ERC2: variants seen among roughly 807,000 people sequenced by gnomAD.
ERC2 encodes ERC protein 2.
In ERC2, 42 loss-of-function variants were observed where a neutral mutation model predicts 114.8. The ratio of observed to expected loss-of-function variants is 0.37; its 90% CI spans 0.29 to 0.47. The LOEUF (loss-of-function observed/expected upper bound fraction) is 0.47, where lower values mean the gene tolerates loss of function less well. ERC2 is among the 20% of genes least tolerant of loss of function. The pLI, the probability that ERC2 is intolerant of heterozygous loss-of-function variation, is 0.99. For missense variants in ERC2, 939 were observed against 1,150.7 expected, an observed-to-expected ratio of 0.82 and a Z score of 2.66; for synonymous variants, 454 against 425.5, an observed-to-expected ratio of 1.07 and a Z score of -0.82.
intron 4 of ERC2, among the ~76,000 whole-genome samples, chr3:56,161,703 C>A (rs1167377564): frequency 6.6e-6 from 1 of 152,096 alleles, no homozygotes; most frequent in Admixed American, 6.6e-5. Flanking sequence ...TCAGCTTGAA[C>A]ACTATTGGTG....
At chr3:56,249,577 C>T (rs948840273) in intron 3 of ERC2, among the ~76,000 whole-genome samples, 2 of 152,188 alleles carry the variant, frequency 1.3e-5, no homozygotes, top group South Asian at 2.1e-4. Context: ...CTGCCAGCCT[C>T]GGCCTCCCAA....
At chr3:55,811,741 C>G (rs2059727526) in intron 14 of ERC2, among the ~76,000 whole-genome samples, 1 of 152,178 alleles carries the variant, frequency 6.6e-6, no homozygotes, top group South Asian at 2.1e-4. Context: ...TATGCACCCC[C>G]AAGGCCTGTG....
intron 13 of ERC2, among the ~76,000 whole-genome samples, chr3:55,923,831 G>A (rs74986397): frequency 1.1e-3 from 166 of 152,106 alleles, no homozygotes; most frequent in African/African-American, 3.8e-3. Flanking sequence ...ATCACTAATC[G>A]ATTACAGCAC....
At chr3:55,516,125 G>C (rs1316771270) in intron 17 of ERC2, among the ~76,000 whole-genome samples, 1 of 152,064 alleles carries the variant, frequency 6.6e-6, no homozygotes, top group Non-Finnish European at 1.5e-5. Flanking sequence ...GCCCCTGATA[G>C]ACTAATTAAC....
intron 17 of ERC2, among the ~76,000 whole-genome samples, chr3:55,550,841 C>A (rs570356216): frequency 6.6e-6 from 1 of 151,814 alleles, no homozygotes; most frequent in Non-Finnish European, 1.5e-5. Context: ...ACGGTGAAAC[C>A]CCATCTCTAC....
chr3:56,228,239 T>A lies in ERC2; in HGVS notation c.1075-54719A>T, dbSNP rs544851690. On this transcript the variant is annotated intron_variant, in intron 3 of 17. Coordinates refer to ENST00000288221, the MANE Select transcript of ERC2 (RefSeq NM_015576.3). ...ATAATATTTACCATCTCAACCATTT[T>A]TCCCTGTAGATTTCAGTGGAATAAG... Among the ~76,000 whole-genome samples, 55 of 152,350 alleles carry A rather than the reference T, an allele frequency of 3.6e-4. 1 individual carries two copies. The South Asian group carries it at 0.011, about 30-fold the overall frequency.
intron 17 of ERC2, among the ~76,000 whole-genome samples, chr3:55,571,280 A>G (rs1195720626): frequency 6.6e-6 from 1 of 152,100 alleles, no homozygotes; most frequent in Admixed American, 6.5e-5. Flanking sequence ...TGATGCTGTG[A>G]CATCTGGGGC....
intron 14 of ERC2, among the ~76,000 whole-genome samples, chr3:55,836,458 C>A (rs1184937383): frequency 6.6e-6 from 1 of 152,150 alleles, no homozygotes; most frequent in African/African-American, 2.4e-5. Context: ...CGCTTATCTA[C>A]AATTATATGA....
chr3:56,203,247 T>A (rs1231479500), intron 3 of ERC2, among the ~76,000 whole-genome samples: 1 of 152,204 alleles, frequency 6.6e-6, no homozygotes, highest in African/African-American at 2.4e-5. Context: ...AAACTATCAT[T>A]AAGTGCCTGA....
intron 17 of ERC2, among the ~76,000 whole-genome samples, chr3:55,521,125 C>T (rs2052901593): frequency 6.6e-6 from 1 of 152,210 alleles, no homozygotes. Flanking sequence ...AGGTGGAATG[C>T]CATTTACTCT....
At chr3:56,340,542 A>ATGTG (rs10690369) in intron 2 of ERC2, among the ~76,000 whole-genome samples, 24,641 of 141,226 alleles carry the variant, frequency 0.17, 2,193 homozygotes, top group Admixed American at 0.21. Flanking sequence ...GAGAGAGTGA[A>ATGTG]TGTGTGTGTG....
chr3:56,084,878 AAAAAG>A (rs1412053035), intron 6 of ERC2, among the ~76,000 whole-genome samples: 1 of 151,764 alleles, frequency 6.6e-6, no homozygotes. Flanking sequence ...AAAAAAAAAA[AAAAAG>A]AAAAGTTCAG....
At chr3:56,405,456 ACC>A (rs1184924127) in intron 2 of ERC2, among the ~76,000 whole-genome samples, 1 of 152,044 alleles carries the variant, frequency 6.6e-6, no homozygotes, top group East Asian at 1.9e-4. Context: ...GAAGGGATGG[ACC>A]CAGACTGGGC....
At chr3:56,089,466 T>G (rs1052205967) in intron 6 of ERC2, among the ~76,000 whole-genome samples, 3 of 152,152 alleles carry the variant, frequency 2.0e-5, no homozygotes, top group Non-Finnish European at 4.4e-5. Context: ...AAAAGAAACA[T>G]TGAAATTAAT....
intron 14 of ERC2, among the ~76,000 whole-genome samples, chr3:55,772,384 G>A (rs986963218): frequency 3.3e-5 from 5 of 151,492 alleles, no homozygotes; most frequent in Non-Finnish European, 5.9e-5. Context: ...GCGCGATCTC[G>A]GCTCACTGCA....
chr3:55,952,179 ACTCTCTCTCTCTCTCTC>A (rs2067612323), intron 12 of ERC2, among the ~76,000 whole-genome samples: 3 of 62,094 alleles, frequency 4.8e-5, no homozygotes, highest in East Asian at 4.2e-4. Flanking sequence ...ACACACACAC[ACTCTCTCTCTCTCTCTC>A]TCTATATATA....
At chr3:56,217,046 G>A (rs1478533124) in intron 3 of ERC2, among the ~76,000 whole-genome samples, 1 of 152,258 alleles carries the variant, frequency 6.6e-6, no homozygotes, top group Non-Finnish European at 1.5e-5. Context: ...TACTGAAGGG[G>A]CAAAAACTGG....
At chr3:55,539,410 TCTTTC>T (rs373882455) in intron 17 of ERC2, among the ~76,000 whole-genome samples, 4 of 127,866 alleles carry the variant, frequency 3.1e-5, no homozygotes, top group Non-Finnish European at 4.8e-5. Context: ...TCTCTTTTTT[TCTTTC>T]TTTTTTTTTT....
chr3:55,879,479 T>C (rs1333908954), intron 14 of ERC2, among the ~76,000 whole-genome samples: 2 of 152,172 alleles, frequency 1.3e-5, no homozygotes, highest in Non-Finnish European at 2.9e-5. Flanking sequence ...CTGGACCTAA[T>C]ACCCCTTATA....
Sources: allele counts gnomAD v4.1 joint callset (sites outside exome capture counted in the v4.1 genomes callset), GRCh38; gene constraint gnomAD v4.1.1; transcripts MANE v1.5; gene names NCBI Gene and HGNC (gene_info 2026-07-23, HGNC 2026-07-21).